ASMTL: variants seen among roughly 807,000 people sequenced by gnomAD.
ASMTL encodes the protein acetylserotonin O-methyltransferase like, also known as probable bifunctional dTTP/UTP pyrophosphatase/methyltransferase protein.
ASMTL carries 57 observed loss-of-function variants against 60.3 expected under a neutral mutation model. The ratio of observed to expected loss-of-function variants is 0.95; its 90% CI spans 0.76 to 1.18. The LOEUF (loss-of-function observed/expected upper bound fraction) is 1.18. ASMTL is among the 50% of genes most tolerant of loss of function. The pLI, the probability that ASMTL is intolerant of heterozygous loss-of-function variation, is 0.00. For missense variants in ASMTL, 981 were observed against 852.6 expected, an observed-to-expected ratio of 1.15 and a Z score of -1.88; for synonymous variants, 419 against 373.0, an observed-to-expected ratio of 1.12 and a Z score of -1.42.
chrX:1,417,972 C>T lies in ASMTL; in HGVS notation c.1522+1G>A. ...GCAGGGTGAACAGGAGGAGGGCTCA[C>T]CTGCTGCGAAGTGGATCTGCACTGC... On this transcript the variant is annotated splice_donor_variant, in intron 11 of 12. Transcript: ENST00000381317. LOFTEE classifies it high-confidence loss of function. The T allele has an allele frequency of 1.2e-6, 2 of 1,606,120 alleles. No homozygotes were observed. Among genetic ancestry groups the T allele is most frequent in the South Asian group, 1.1e-5 (1 of 90,300 alleles).
At chrX:1,422,892 G>A (rs1395186112) in intron 8 of ASMTL, among the ~76,000 whole-genome samples, 2 of 152,108 alleles carry the variant, frequency 1.3e-5, no homozygotes, top group Non-Finnish European at 2.9e-5. Context: ...GTTGGAACAA[G>A]CTTGCATGGT....
chrX:1,417,892 C>T (rs1416825061), intron 11 of ASMTL, 81 bp downstream of exon 11: 2 of 1,509,744 alleles, frequency 1.3e-6, no homozygotes, highest in African/African-American at 1.4e-5. Context: ...AACACAGGTG[C>T]ACACACAGCC....
chrX:1,403,711 T>C (rs1485361581), intron 12 of ASMTL: 3 of 600,336 alleles, frequency 5.0e-6, no homozygotes, highest in African/African-American at 1.9e-5. Context: ...GATGGATGGA[T>C]AGATGGATGC....
At chrX:1,405,982 GA>G (rs2089816629) in intron 12 of ASMTL, among the ~76,000 whole-genome samples, 1 of 151,270 alleles carries the variant, frequency 6.6e-6, no homozygotes, top group African/African-American at 2.4e-5. Flanking sequence ...GTAGATAGAT[GA>G]ATGGATGGAT....
chrX:1,452,968 G>A (rs1448375205), upstream of ASMTL: 6 of 678,138 alleles, frequency 8.8e-6, no homozygotes, highest in African/African-American at 2.1e-5. Flanking sequence ...GCCCGCCTCC[G>A]CGAGGCCACG....
intron 2 of ASMTL, among the ~76,000 whole-genome samples, chrX:1,440,987 G>A (rs1961129869): frequency 6.6e-6 from 1 of 151,840 alleles, no homozygotes; most frequent in Non-Finnish European, 1.5e-5. Flanking sequence ...ATAGTAACAA[G>A]CTACATGAAT....
Position 1,442,295 on chromosome X carries a change from G to A in ASMTL, c.116C>T (p.Pro39Leu). The change falls in exon 2 of 13, where the codon CCC becomes CTC. Residue 39 changes from proline (P) to leucine (L), a missense_variant. Pro to Leu is a moderately conservative substitution (Grantham distance 98). Coordinates refer to ENST00000381317, the MANE Select transcript of ASMTL (RefSeq NM_004192.4). ...SNAGLRFEVV[P>L]SKFKEKLDKA... ...GTCCAGCTTCTCTTTAAACTTGGAG[G>A]GGACCACCTCAAACCTGAGACCCTG... 6.2e-7 allele frequency: 1 copy of A among 1,613,812 alleles called. No homozygotes were observed. Among genetic ancestry groups the A allele is most frequent in the Non-Finnish European group, 8.5e-7 (1 of 1,179,846 alleles).
intron 9 of ASMTL, among the ~76,000 whole-genome samples, chrX:1,420,676 A>G (rs1217597800): frequency 6.6e-6 from 1 of 152,240 alleles, no homozygotes; most frequent in Non-Finnish European, 1.5e-5. Context: ...GGAAAGGGGA[A>G]GGAGGGGCGA....
At chrX:1,433,608 A>G (rs1251848061) in intron 5 of ASMTL, among the ~76,000 whole-genome samples, 1 of 149,848 alleles carries the variant, frequency 6.7e-6, no homozygotes, top group Non-Finnish European at 1.5e-5. Context: ...TGAACCCGGG[A>G]GGCGGAGCTT....
At chrX:1,414,863 G>A (rs1392594701) in intron 11 of ASMTL, among the ~76,000 whole-genome samples, 11 of 152,130 alleles carry the variant, frequency 7.2e-5, no homozygotes. Context: ...GGGTTGTGGA[G>A]GTCCCCAGCA....
At chrX:1,448,036 G>A (rs775501195) in intron 1 of ASMTL, among the ~76,000 whole-genome samples, 57 of 143,712 alleles carry the variant, frequency 4.0e-4, no homozygotes, top group African/African-American at 1.3e-3. Flanking sequence ...GACACACACC[G>A]CCATCTTGGA....
At chrX:1,423,528 A>T (rs1334650271) in intron 8 of ASMTL, among the ~76,000 whole-genome samples, 1 of 151,966 alleles carries the variant, frequency 6.6e-6, no homozygotes, top group East Asian at 1.9e-4. Context: ...CAGAAAACAC[A>T]TTGTCATCCA....
intron 11 of ASMTL, 137 bp downstream of exon 11, chrX:1,417,836 A>G (rs1451143662): frequency 4.6e-6 from 5 of 1,097,794 alleles, no homozygotes; most frequent in Middle Eastern, 3.0e-4. Context: ...CACCGTAGAC[A>G]GTCCCATTTG....
Position 1,452,889 on chromosome X carries a change from G to C in ASMTL, c.-49C>G, listed in dbSNP as rs1403578127. 4 of 1,393,438 alleles carry C rather than the reference G, an allele frequency of 2.9e-6. No homozygotes were observed. Among genetic ancestry groups the C allele is most frequent in the African/African-American group, 3.0e-5 (2 of 66,458 alleles). The allele number at this position is 1,393,438 out of a possible 1,614,324, so 86.3% of individuals were successfully genotyped here. A position where few individuals can be genotyped will look rare whatever the true frequency, so the allele number is the denominator to read the frequency against. ...GTCCGCACTTCTGAGCCCGGAGCCC[G>C]CGGTGCGCGCAGCGCGGCTGCAAAA... On this transcript the variant is annotated 5_prime_UTR_variant, in exon 1 of 13. Transcript: ENST00000381317.
chrX:1,404,730 G>T (rs2089743003), intron 12 of ASMTL, among the ~76,000 whole-genome samples: 1 of 150,790 alleles, frequency 6.6e-6, no homozygotes, highest in African/African-American at 2.5e-5. Context: ...GGATGAGATG[G>T]ATGGATGGGT....
At chrX:1,422,085 C>A (rs1444374883) in intron 8 of ASMTL, among the ~76,000 whole-genome samples, 4 of 152,152 alleles carry the variant, frequency 2.6e-5, no homozygotes, top group African/African-American at 4.8e-5. Flanking sequence ...AGCCACCACG[C>A]CCCAGCTGTC....
chrX:1,416,820 CAG>C (rs1468264971), intron 11 of ASMTL, among the ~76,000 whole-genome samples: 4 of 150,606 alleles, frequency 2.7e-5, no homozygotes, highest in African/African-American at 4.9e-5. Context: ...ACCATGCACA[CAG>C]ATACAGATGG....
Position 1,432,202 on chromosome X carries a change from C to A in ASMTL, c.509+67G>T, listed in dbSNP as rs1437864963. 1.8e-5 allele frequency: 24 copies of A among 1,328,186 alleles called. No homozygotes were observed. In the Admixed American group the frequency reaches 4.0e-4, roughly 22 times the overall value. 82.3% of individuals were successfully genotyped at this position (1,328,186 alleles called of 1,614,324 possible). A position where few individuals can be genotyped will look rare whatever the true frequency, so the allele number is the denominator to read the frequency against. ...TCTTTCCCAAAGGCTGGGTGGGACA[C>A]CCCACGTGTGAGGGTGGCCAGGCTT... On this transcript the variant is annotated intron_variant, in intron 6 of 12. Transcript: ENST00000381317.
chrX:1,433,667 G>C (rs777165287), intron 5 of ASMTL, among the ~76,000 whole-genome samples: 1 of 151,546 alleles, frequency 6.6e-6, no homozygotes, highest in African/African-American at 2.4e-5. Flanking sequence ...GCGATAAAGC[G>C]AGACTCTGTC....
Sources: gnomAD v4.1 joint callset for allele counts (sites outside exome capture counted in the v4.1 genomes callset) on GRCh38, gnomAD v4.1.1 for gene constraint, MANE v1.5 for transcripts, NCBI Gene and HGNC (gene_info 2026-07-23, HGNC 2026-07-21) for gene names.